Variants in DPYSL5 observed in about 807,000 individuals in gnomAD.
The protein encoded by DPYSL5 is dihydropyrimidinase like 5.
A neutral mutation model predicts 58.4 loss-of-function variants in DPYSL5; 9 were observed. The observed-to-expected ratio is 0.15, with a 90% confidence interval of 0.09 to 0.27. The LOEUF (loss-of-function observed/expected upper bound fraction) is 0.27. DPYSL5 is among the 10% of genes least tolerant of loss of function. The pLI, the probability that DPYSL5 is intolerant of heterozygous loss-of-function variation, is 1.00. For synonymous variants in DPYSL5, 293 were observed against 301.9 expected (o/e 0.97, Z 0.31); for missense variants, 499 against 770.6 (o/e 0.65, Z 4.17).
chr2:26,875,273 C>A (rs565704585), intron 1 of DPYSL5, among the ~76,000 whole-genome samples: 2 of 152,244 alleles, frequency 1.3e-5, no homozygotes, highest in South Asian at 4.1e-4. Flanking sequence ...GGCGAAATAC[C>A]CATGACGGCA....
At chr2:26,885,564 G>T (rs1486929957) in intron 1 of DPYSL5, among the ~76,000 whole-genome samples, 1 of 152,204 alleles carries the variant, frequency 6.6e-6, no homozygotes, top group East Asian at 1.9e-4. Context: ...TGGAAAAAGG[G>T]CCTGGTGGGA....
intron 2 of DPYSL5, among the ~76,000 whole-genome samples, chr2:26,907,709 A>T (rs546744559): frequency 6.6e-6 from 1 of 152,290 alleles, no homozygotes; most frequent in African/African-American, 2.4e-5. Context: ...CAAGGCGAAC[A>T]GCCTCTCGTG....
Position 26,942,835 on chromosome 2 carries a change from T to C in DPYSL5, c.1440+85T>C. On this transcript the variant is annotated intron_variant, in intron 11 of 12. Transcript: ENST00000288699. The surrounding 1 kb of genome is among the most constrained non-coding windows in gnomAD (Gnocchi z 5.9). ...ATGACTGTTTTAAATCTCAAAGAGA[T>C]GTTCACTCCAGTTTTCGACCCAATT... The C allele has an allele frequency of 2.7e-6, 4 of 1,479,826 alleles. No individual in the cohort carries two copies. The highest frequency in any genetic ancestry group is 1.2e-5 in the South Asian group (1 of 82,696). 91.7% of individuals were successfully genotyped at this position (1,479,826 alleles called of 1,614,324 possible).
chr2:26,914,673 T>A (rs1018529072), intron 2 of DPYSL5, among the ~76,000 whole-genome samples: 1 of 152,194 alleles, frequency 6.6e-6, no homozygotes, highest in Non-Finnish European at 1.5e-5. Context: ...CAGTGGCTGC[T>A]GGCAGTGTGG....
chr2:26,933,453 T>A lies in DPYSL5; in HGVS notation c.790+120T>A. 2.3e-6 allele frequency: 2 copies of A among 867,788 alleles called. No individual in the cohort carries two copies. Among genetic ancestry groups the A allele is most frequent in the South Asian group, 2.9e-5 (2 of 68,770 alleles). 53.8% of individuals were successfully genotyped at this position (867,788 alleles called of 1,614,324 possible). On this transcript the variant is annotated intron_variant, in intron 7 of 12. Transcript: ENST00000288699. The surrounding 1 kb of genome is among the most constrained non-coding windows in gnomAD (Gnocchi z 4.2). ...CTGAAACCAGGACCTGAGCCAGCCC[T>A]TCCCTTTCATCTGCCACCGTCTTCC... is the stretch of plus-strand genomic sequence containing the variant.
At chr2:26,915,843 C>A (rs932815719) in intron 2 of DPYSL5, among the ~76,000 whole-genome samples, 4 of 152,086 alleles carry the variant, frequency 2.6e-5, no homozygotes, top group Non-Finnish European at 5.9e-5. Flanking sequence ...CCATCTTTAG[C>A]CACCCCTCTC....
At chr2:26,910,350 A>T (rs1441181277) in intron 2 of DPYSL5, among the ~76,000 whole-genome samples, 2 of 152,042 alleles carry the variant, frequency 1.3e-5, no homozygotes, top group African/African-American at 2.4e-5. Context: ...TTTCCCCATC[A>T]GTAGTGACTC....
intron 1 of DPYSL5, among the ~76,000 whole-genome samples, chr2:26,858,643 A>C (rs987170327): frequency 4.0e-5 from 6 of 151,062 alleles, no homozygotes; most frequent in African/African-American, 1.5e-4. Context: ...TGATTGGGGC[A>C]GCCTCGATTT....
chr2:26,940,296 G>C, intron 9 of DPYSL5, 124 bp downstream of exon 9: 5 of 1,205,008 alleles, frequency 4.1e-6, no homozygotes, highest in Non-Finnish European at 5.5e-6. Flanking sequence ...AGAAGGGCTG[G>C]TTCAATCCCA....
chr2:26,935,864 G>C (rs1665161693), intron 8 of DPYSL5, among the ~76,000 whole-genome samples: 1 of 152,144 alleles, frequency 6.6e-6, no homozygotes, highest in Non-Finnish European at 1.5e-5. Flanking sequence ...CCATACCCAA[G>C]CATGCATCCC....
intron 6 of DPYSL5, among the ~76,000 whole-genome samples, chr2:26,932,119 GA>G (rs1356508885): frequency 8.4e-6 from 1 of 119,346 alleles, no homozygotes; most frequent in Non-Finnish European, 1.8e-5. Context: ...AAAGAAAAAA[GA>G]AAGAGAAAGA....
At chr2:26,855,210 A>G (rs1665849545) in intron 1 of DPYSL5, among the ~76,000 whole-genome samples, 1 of 151,082 alleles carries the variant, frequency 6.6e-6, no homozygotes, top group South Asian at 2.1e-4. Context: ...CGGGTGGGTC[A>G]TAAAGTCAGG....
At chr2:26,887,965 T>C (rs925462824) in intron 1 of DPYSL5, among the ~76,000 whole-genome samples, 1 of 152,214 alleles carries the variant, frequency 6.6e-6, no homozygotes, top group African/African-American at 2.4e-5. Flanking sequence ...AGCCACCATC[T>C]TGCTGTGGAA....
At chr2:26,899,914 A>G (rs913673005) in intron 2 of DPYSL5, among the ~76,000 whole-genome samples, 2 of 152,160 alleles carry the variant, frequency 1.3e-5, no homozygotes, top group Non-Finnish European at 2.9e-5. Flanking sequence ...TGTTTTGATT[A>G]TGAAATGGGG....
intron 2 of DPYSL5, among the ~76,000 whole-genome samples, chr2:26,920,111 C>T (rs1007389361): frequency 2.8e-4 from 43 of 151,604 alleles, no homozygotes; most frequent in African/African-American, 9.7e-4. Flanking sequence ...GGAATGTATG[C>T]CATCTTCAGG....
intron 1 of DPYSL5, among the ~76,000 whole-genome samples, chr2:26,872,935 C>T (rs905166989): frequency 1.8e-4 from 28 of 152,160 alleles, no homozygotes; most frequent in African/African-American, 6.8e-4. Context: ...TTTTTATTTA[C>T]ATGTAGAACA....
chr2:26,873,274 A>T lies in DPYSL5; in HGVS notation c.-5+25020A>T, dbSNP rs189456667. ...TATTTGCCTATGTAATCACTACCAC[A>T]ATCAAGATATGGAATATTTCTATTA... On this transcript the variant is annotated intron_variant, in intron 1 of 12. Transcript: ENST00000288699. 4.3e-4 allele frequency among the ~76,000 whole-genome samples: 66 copies of T among 152,302 alleles called. 1 individual carries two copies. The highest frequency in any genetic ancestry group is 4.3e-3 in the Admixed American group (65 of 15,288).
chr2:26,935,514 C>T (rs2148169810), intron 8 of DPYSL5, among the ~76,000 whole-genome samples: 1 of 151,952 alleles, frequency 6.6e-6, no homozygotes, highest in Non-Finnish European at 1.5e-5. Context: ...GTGGTAAAAC[C>T]CTGTCTCTAC....
At position 26,934,599 on chromosome 2, in the gene DPYSL5, C is replaced by T. The variant is rs768879579; in HGVS notation, c.812C>T (p.Thr271Ile). Residue 271 changes from threonine (T) to isoleucine (I), a missense_variant, in exon 8 of 13, where the codon ACC becomes ATC. By Grantham distance (89) the Thr-to-Ile change is moderately conservative. Coordinates refer to ENST00000288699, the MANE Select transcript of DPYSL5 (RefSeq NM_020134.4). This position sits in a 1 kb window ranked among gnomAD's most constrained non-coding sequence, Gnocchi z 4.3. ...KMQGKVVLAE[T>I]TTAHATLTGL... ...CCAGGGAAGGTTGTGCTGGCGGAGA[C>T]CACCACTGCACATGCCACGCTGACA... The T allele has an allele frequency of 2.3e-5, 37 of 1,612,976 alleles. No homozygotes were observed. The highest frequency in any genetic ancestry group is 1.9e-4 in the Middle Eastern group (1 of 5,338).
Sources: allele counts gnomAD v4.1 joint callset (sites outside exome capture counted in the v4.1 genomes callset), GRCh38; gene constraint gnomAD v4.1.1; non-coding constraint Gnocchi (gnomAD v3.1); transcripts MANE v1.5; gene names NCBI Gene and HGNC (gene_info 2026-07-23, HGNC 2026-07-21).